RAPGEF4: variants seen among roughly 807,000 people sequenced by gnomAD.
RAPGEF4 encodes the protein Rap guanine nucleotide exchange factor 4.
A neutral mutation model predicts 147.9 loss-of-function variants in RAPGEF4; 66 were observed. The ratio of observed to expected loss-of-function variants is 0.45; its 90% CI spans 0.37 to 0.55. The LOEUF is 0.55. RAPGEF4 is among the 20% of genes least tolerant of loss of function. RAPGEF4 has a pLI of 0.00. For missense variants in RAPGEF4, 1,071 were observed against 1,257.3 expected, an observed-to-expected ratio of 0.85 and a Z score of 2.24; for synonymous variants, 419 against 442.7, an observed-to-expected ratio of 0.95 and a Z score of 0.67.
At chr2:172,891,611 AGG>A (rs1476233743) in intron 4 of RAPGEF4, among the ~76,000 whole-genome samples, 1 of 152,170 alleles carries the variant, frequency 6.6e-6, no homozygotes, top group African/African-American at 2.4e-5. Flanking sequence ...GTGGGATCAG[AGG>A]CAGATGGAAG....
At chr2:172,959,411 C>T (rs1038842640) in intron 6 of RAPGEF4, among the ~76,000 whole-genome samples, 1 of 152,216 alleles carries the variant, frequency 6.6e-6, no homozygotes, top group African/African-American at 2.4e-5. Context: ...GCTAGAAACA[C>T]CAGGATGATC....
chr2:172,793,385 T>C (rs1686020236), intron 1 of RAPGEF4, among the ~76,000 whole-genome samples: 1 of 152,180 alleles, frequency 6.6e-6, no homozygotes, highest in African/African-American at 2.4e-5. Flanking sequence ...CCCTTCAAAG[T>C]TGTTCCTGAA....
At chr2:172,868,098 G>A (rs1270455517) in intron 4 of RAPGEF4, among the ~76,000 whole-genome samples, 1 of 152,126 alleles carries the variant, frequency 6.6e-6, no homozygotes, top group Admixed American at 6.5e-5. Flanking sequence ...TCAGTTGCTG[G>A]ACTCTTATCA....
intron 6 of RAPGEF4, among the ~76,000 whole-genome samples, chr2:172,946,704 TCTTCC>T (rs1687711031): frequency 6.6e-6 from 1 of 152,196 alleles, no homozygotes; most frequent in Admixed American, 6.5e-5. Flanking sequence ...CAACTGTTGC[TCTTCC>T]CTTCTTCCCC....
chr2:172,917,559 A>G lies in RAPGEF4; in HGVS notation c.445-243A>G, dbSNP rs545869684. ...ACAATTCAGGCAGCCACAGATATAT[A>G]AATGAACTGGCGGAGATAGAACCCC... On this transcript the variant is annotated intron_variant, in intron 4 of 30. Coordinates refer to ENST00000397081, the MANE Select transcript of RAPGEF4 (RefSeq NM_007023.4). 8.8e-4 allele frequency: 594 copies of G among 673,998 alleles called. 4 individuals are homozygous for G. Among genetic ancestry groups the G allele is most frequent in the East Asian group, 7.1e-3 (252 of 35,312 alleles). 41.8% of individuals were successfully genotyped at this position (673,998 alleles called of 1,614,324 possible).
At chr2:172,936,508 ATTT>A (rs1355842935) in intron 6 of RAPGEF4, among the ~76,000 whole-genome samples, 2 of 152,046 alleles carry the variant, frequency 1.3e-5, no homozygotes, top group East Asian at 3.9e-4. Context: ...TTTCAATTAA[ATTT>A]TTTTAAGGAT....
chr2:172,833,204 A>AG (rs1209945440), intron 4 of RAPGEF4, among the ~76,000 whole-genome samples: 4 of 24,190 alleles, frequency 1.7e-4, no homozygotes, highest in African/African-American at 2.8e-4. Flanking sequence ...ACTCCGTCTC[A>AG]GAAAAAAAAA....
chr2:172,810,820 A>C (rs1219187321), intron 3 of RAPGEF4, among the ~76,000 whole-genome samples: 1 of 151,862 alleles, frequency 6.6e-6, no homozygotes, highest in East Asian at 1.9e-4. Flanking sequence ...TTGGTCCAGT[A>C]CCTCCCCAGA....
chr2:172,980,461 T>A (rs920234797), intron 10 of RAPGEF4, among the ~76,000 whole-genome samples: 2 of 151,906 alleles, frequency 1.3e-5, no homozygotes, highest in African/African-American at 4.8e-5. Flanking sequence ...ATACAAGGGA[T>A]GGACAAAAGA....
At chr2:172,976,414 C>T (rs1358351695) in intron 10 of RAPGEF4, among the ~76,000 whole-genome samples, 4 of 152,064 alleles carry the variant, frequency 2.6e-5, no homozygotes, top group African/African-American at 4.8e-5. Context: ...GTGGAAGAAG[C>T]GAGATCTTAA....
chr2:172,822,252 A>G (rs983524975), intron 4 of RAPGEF4, among the ~76,000 whole-genome samples: 1 of 152,234 alleles, frequency 6.6e-6, no homozygotes, highest in African/African-American at 2.4e-5. Flanking sequence ...GAAGATAAAT[A>G]AAAGTAGTTG....
intron 4 of RAPGEF4, among the ~76,000 whole-genome samples, chr2:172,863,441 C>T (rs1694251476): frequency 6.6e-6 from 1 of 152,156 alleles, no homozygotes; most frequent in Admixed American, 6.5e-5. Context: ...TAATAAGGCT[C>T]TTCTGCAATC....
intron 29 of RAPGEF4, among the ~76,000 whole-genome samples, chr2:173,039,699 G>A (rs1164390213): frequency 6.6e-6 from 1 of 152,156 alleles, no homozygotes; most frequent in Non-Finnish European, 1.5e-5. Context: ...CAGAAACCTA[G>A]TCCCATGAAA....
At chr2:172,893,203 G>A (rs1328229291) in intron 4 of RAPGEF4, among the ~76,000 whole-genome samples, 3 of 152,200 alleles carry the variant, frequency 2.0e-5, no homozygotes, top group Admixed American at 6.5e-5. Context: ...GCGAGGAGTT[G>A]TACAGGATAA....
intron 6 of RAPGEF4, among the ~76,000 whole-genome samples, chr2:172,937,229 A>G (rs1686686673): frequency 6.6e-6 from 1 of 151,994 alleles, no homozygotes; most frequent in Non-Finnish European, 1.5e-5. Flanking sequence ...TCTTAAAGAA[A>G]AAAAAAAGTC....
intron 1 of RAPGEF4, among the ~76,000 whole-genome samples, chr2:172,759,006 A>T (rs891224920): frequency 2.0e-5 from 3 of 152,224 alleles, no homozygotes; most frequent in African/African-American, 7.2e-5. Flanking sequence ...TTGACCAATG[A>T]AGCAGGAAGA....
chr2:172,830,596 C>CTGTT (rs764364215), intron 4 of RAPGEF4, among the ~76,000 whole-genome samples: 13 of 151,956 alleles, frequency 8.6e-5, no homozygotes, highest in South Asian at 2.1e-4. Flanking sequence ...AACAAGAATC[C>CTGTT]TGTTTGTTTG....
In RAPGEF4 at chr2:172,965,489, C is replaced by T. The variant is rs1689731284; in HGVS notation, c.699-73C>T. On this transcript the variant is annotated intron_variant, in intron 8 of 30. Transcript: ENST00000397081. ...ATTAAGCCCTTTGGTAGGTTTTCCTCTCAAAAGCCATCTCCCATCCTCTAT... is the reference window on the plus strand; with the variant it reads ...ATTAAGCCCTTTGGTAGGTTTTCCTTTCAAAAGCCATCTCCCATCCTCTAT... 2.0e-6 allele frequency: 3 copies of T among 1,530,388 alleles called. No homozygotes were observed. The South Asian group carries it at 3.4e-5, about 17-fold the overall frequency. The allele number at this position is 1,530,388 out of a possible 1,614,324, so 94.8% of individuals were successfully genotyped here. A position where few individuals can be genotyped will look rare whatever the true frequency, so the allele number is the denominator to read the frequency against.
chr2:173,034,135 C>A (rs771654047), intron 27 of RAPGEF4, among the ~76,000 whole-genome samples, 171 bp downstream of exon 27: 3 of 152,198 alleles, frequency 2.0e-5, no homozygotes, highest in Non-Finnish European at 4.4e-5. Context: ...ATGAATGGCA[C>A]CCTCAGGAAC....
Sources: allele counts gnomAD v4.1 joint callset (sites outside exome capture counted in the v4.1 genomes callset), GRCh38; gene constraint gnomAD v4.1.1; transcripts MANE v1.5; gene names NCBI Gene and HGNC (gene_info 2026-07-23, HGNC 2026-07-21).